The following CAMTA1 variants were observed in gnomAD, a reference collection of about 807,000 sequenced individuals.
CAMTA1 encodes the protein calmodulin-binding transcription activator 1.
In CAMTA1, 27 loss-of-function variants were observed where a neutral mutation model predicts 170.9. That is an observed-to-expected ratio of 0.16 (90% CI 0.12 to 0.22). The LOEUF (loss-of-function observed/expected upper bound fraction) is 0.22. Among genes scored for constraint, CAMTA1 ranks in the 10% least tolerant of loss-of-function variants. The pLI is 1.00. For missense variants in CAMTA1, 1,619 were observed against 2,217.2 expected, an observed-to-expected ratio of 0.73 and a Z score of 5.42; for synonymous variants, 833 against 891.5, an observed-to-expected ratio of 0.93 and a Z score of 1.17.
At chr1:6,905,583 A>G (rs1678269811) in intron 3 of CAMTA1, among the ~76,000 whole-genome samples, 1 of 152,078 alleles carries the variant, frequency 6.6e-6, no homozygotes, top group African/African-American at 2.4e-5. Flanking sequence ...TTCAGCTCCT[A>G]GTGGAACCCT....
intron 5 of CAMTA1, among the ~76,000 whole-genome samples, chr1:7,370,914 C>CCTTTTTT (rs2086393028): frequency 1.8e-5 from 2 of 110,010 alleles, no homozygotes; most frequent in South Asian, 3.1e-4. Flanking sequence ...TTCTTTCTTT[C>CCTTTTTT]TTTTTTTTTT....
intron 5 of CAMTA1, among the ~76,000 whole-genome samples, chr1:7,336,927 A>G (rs920509430): frequency 6.6e-6 from 1 of 152,334 alleles, no homozygotes; most frequent in East Asian, 1.9e-4. Context: ...CCCCCTCCCT[A>G]TCTTCCTCTG....
chr1:7,028,733 C>T (rs937444791), intron 3 of CAMTA1, among the ~76,000 whole-genome samples: 9 of 152,204 alleles, frequency 5.9e-5, no homozygotes, highest in African/African-American at 2.2e-4. Flanking sequence ...TAGAGTATTT[C>T]TTTTTGCCTG....
intron 5 of CAMTA1, among the ~76,000 whole-genome samples, chr1:7,264,372 C>A (rs557619946): frequency 1.3e-5 from 2 of 152,142 alleles, no homozygotes; most frequent in South Asian, 4.1e-4. Flanking sequence ...AAGTGCCTGC[C>A]GATGGAAGCC....
chr1:6,858,199 T>A lies in CAMTA1; in HGVS notation c.234+32989T>A, dbSNP rs12032557. 4.0e-4 allele frequency among the ~76,000 whole-genome samples: 61 copies of A among 152,326 alleles called. No homozygotes were observed. In the East Asian group the frequency reaches 0.011, roughly 27 times the overall value. On this transcript the variant is annotated intron_variant, in intron 3 of 22. Coordinates refer to ENST00000303635, the MANE Select transcript of CAMTA1 (RefSeq NM_015215.4). ...CAGTTGTTTTTGCTTTTAAAGGATT[T>A]TAACTGTTCAATTGTATTTTGAATT...
At chr1:7,354,937 C>T (rs2149919676) in intron 5 of CAMTA1, among the ~76,000 whole-genome samples, 1 of 152,252 alleles carries the variant, frequency 6.6e-6, no homozygotes, top group South Asian at 2.1e-4. Flanking sequence ...TTCAGTGGCT[C>T]ACACCTGTAA....
At chr1:6,909,473 A>G (rs57083599) in intron 3 of CAMTA1, among the ~76,000 whole-genome samples, 3,867 of 152,332 alleles carry the variant, frequency 0.025, 173 homozygotes, top group African/African-American at 0.089. Context: ...GCAGGGTAAC[A>G]GTTCTCAGGT....
intron 4 of CAMTA1, among the ~76,000 whole-genome samples, chr1:7,154,078 A>G (rs1646730997): frequency 6.6e-6 from 1 of 152,250 alleles, no homozygotes; most frequent in African/African-American, 2.4e-5. Context: ...GTGGCAAGCC[A>G]TTGTTTTCTC....
intron 4 of CAMTA1, among the ~76,000 whole-genome samples, chr1:7,178,397 T>G (rs1274254445): frequency 6.6e-6 from 1 of 152,214 alleles, no homozygotes; most frequent in Non-Finnish European, 1.5e-5. Context: ...CATTTGTAAT[T>G]AGGCTGGCAA....
At chr1:6,936,302 T>C (rs534144431) in intron 3 of CAMTA1, among the ~76,000 whole-genome samples, 56 of 152,334 alleles carry the variant, frequency 3.7e-4, no homozygotes, top group African/African-American at 1.3e-3. Flanking sequence ...CCACTCGATG[T>C]TTTGTATATG....
chr1:7,429,716 A>G (rs1014777163), intron 5 of CAMTA1, among the ~76,000 whole-genome samples: 1 of 152,160 alleles, frequency 6.6e-6, no homozygotes, highest in Non-Finnish European at 1.5e-5. Context: ...CTGTAAAGAG[A>G]TACTTGAGAC....
chr1:7,050,889 C>T lies in CAMTA1; in HGVS notation c.235-40415C>T, dbSNP rs1004293576. Among the ~76,000 whole-genome samples, 5 of 152,162 alleles carry T rather than the reference C, an allele frequency of 3.3e-5. No homozygotes were observed. The highest frequency in any genetic ancestry group is 4.1e-4 in the South Asian group (2 of 4,826). On this transcript the variant is annotated intron_variant, in intron 3 of 22. Coordinates refer to ENST00000303635, the MANE Select transcript of CAMTA1 (RefSeq NM_015215.4). The surrounding 1 kb of genome is among the most constrained non-coding windows in gnomAD (Gnocchi z 4.8). ...GCCGTGCACAGGAGCGCTGGCCATT[C>T]GTCTTGAGGCCCCACTGCAGGGAGC... is the stretch of plus-strand genomic sequence containing the variant.
Position 7,736,709 on chromosome 1 carries a change from C to T in CAMTA1, c.3263+169C>T, listed in dbSNP as rs1295694281. 1.3e-5 allele frequency among the ~76,000 whole-genome samples: 2 copies of T among 152,136 alleles called. No individual in the cohort carries two copies. Among genetic ancestry groups the T allele is most frequent in the African/African-American group, 2.4e-5 (1 of 41,402 alleles). On this transcript the variant is annotated intron_variant, in intron 13 of 22. Coordinates refer to ENST00000303635, the MANE Select transcript of CAMTA1 (RefSeq NM_015215.4). This position sits in a 1 kb window ranked among gnomAD's most constrained non-coding sequence, Gnocchi z 4.5. ...TCCAAGGGAGTTTTATAAACTTCTT[C>T]CCAAGAAATACCCAGAGAGATAAGA...
chr1:7,181,042 A>G (rs1293170593), intron 4 of CAMTA1, among the ~76,000 whole-genome samples: 2 of 152,228 alleles, frequency 1.3e-5, no homozygotes, highest in African/African-American at 4.8e-5. Flanking sequence ...GCAATAAGAA[A>G]TCAATGCACC....
chr1:7,486,974 C>CA (rs2093626677), intron 6 of CAMTA1, among the ~76,000 whole-genome samples: 1 of 152,182 alleles, frequency 6.6e-6, no homozygotes, highest in Non-Finnish European at 1.5e-5. Context: ...TCAGCTTCCT[C>CA]ACCTGTACAA....
At chr1:7,179,426 C>G (rs1233941415) in intron 4 of CAMTA1, among the ~76,000 whole-genome samples, 1 of 152,172 alleles carries the variant, frequency 6.6e-6, no homozygotes. Context: ...TTTATGTATA[C>G]ATTTATGCCA....
chr1:7,717,471 C>T (rs1323259632), intron 11 of CAMTA1, among the ~76,000 whole-genome samples: 1 of 152,064 alleles, frequency 6.6e-6, no homozygotes, highest in Non-Finnish European at 1.5e-5. Flanking sequence ...TGAGGCCAGG[C>T]GTAGTGGCTC....
intron 3 of CAMTA1, among the ~76,000 whole-genome samples, chr1:7,006,894 G>A (rs148396934): frequency 1.4e-3 from 211 of 151,682 alleles, no homozygotes; most frequent in Non-Finnish European, 2.1e-3. Flanking sequence ...TTTTTTTCCC[G>A]GTTGGAGGAC....
intron 5 of CAMTA1, among the ~76,000 whole-genome samples, chr1:7,383,166 A>C (rs906764209): frequency 6.6e-6 from 1 of 152,160 alleles, no homozygotes; most frequent in Non-Finnish European, 1.5e-5. Context: ...GTGGGTCGTA[A>C]CCCTGCAGGG....
Sources: allele counts gnomAD v4.1 joint callset (sites outside exome capture counted in the v4.1 genomes callset), GRCh38; gene constraint gnomAD v4.1.1; non-coding constraint Gnocchi (gnomAD v3.1); transcripts MANE v1.5; gene names NCBI Gene and HGNC (gene_info 2026-07-23, HGNC 2026-07-21).